PTPRN2: variants seen among roughly 807,000 people sequenced by gnomAD.
The protein encoded by PTPRN2 is receptor-type tyrosine-protein phosphatase N2.
Under a neutral mutation model 118.8 loss-of-function variants are expected in PTPRN2, and 74 were observed. The ratio of observed to expected loss-of-function variants is 0.62; its 90% CI spans 0.52 to 0.76. The LOEUF is 0.76. Among genes scored for constraint, PTPRN2 ranks in the 30% least tolerant of loss-of-function variants. PTPRN2 has a pLI of 0.00. For synonymous variants in PTPRN2, 641 were observed against 608.0 expected (o/e 1.05, Z -0.80); for missense variants, 1,481 against 1,394.4 (o/e 1.06, Z -0.99).
At chr7:158,074,860 T>A (rs1206511366) in intron 11 of PTPRN2, among the ~76,000 whole-genome samples, 1 of 152,196 alleles carries the variant, frequency 6.6e-6, no homozygotes, top group Non-Finnish European at 1.5e-5. Context: ...ATGAGTGGTA[T>A]GTCCAGTGCA....
chr7:158,171,358 CA>C (rs1823691187), intron 5 of PTPRN2, among the ~76,000 whole-genome samples: 2 of 125,388 alleles, frequency 1.6e-5, no homozygotes, highest in African/African-American at 3.1e-5. Context: ...TACACACACA[CA>C]TTTTTTTAAG....
At chr7:157,834,682 G>A (rs79417537) in intron 12 of PTPRN2, among the ~76,000 whole-genome samples, 2,870 of 152,198 alleles carry the variant, frequency 0.019, 91 homozygotes, top group South Asian at 0.11. Context: ...CAGAGTGCAC[G>A]CTCGCAGAGG....
chr7:157,730,872 C>G (rs1799857486), intron 12 of PTPRN2, among the ~76,000 whole-genome samples: 1 of 152,194 alleles, frequency 6.6e-6, no homozygotes, highest in Non-Finnish European at 1.5e-5. Context: ...AGGGACCTGG[C>G]AGCTCTTCCG....
At chr7:158,175,641 G>C (rs1307038438) in intron 5 of PTPRN2, among the ~76,000 whole-genome samples, 1 of 152,126 alleles carries the variant, frequency 6.6e-6, no homozygotes, top group African/African-American at 2.4e-5. Context: ...GGGAAGCAGG[G>C]GGGTCTCACA....
At chr7:158,380,578 C>T (rs575136348) in intron 2 of PTPRN2, among the ~76,000 whole-genome samples, 7 of 152,336 alleles carry the variant, frequency 4.6e-5, no homozygotes, top group East Asian at 3.9e-4. Flanking sequence ...GCTGCCTTCA[C>T]GGGCTGGCAT....
intron 3 of PTPRN2, among the ~76,000 whole-genome samples, chr7:158,316,607 G>A (rs1185314207): frequency 6.6e-6 from 1 of 152,132 alleles, no homozygotes; most frequent in East Asian, 1.9e-4. Flanking sequence ...CTCAGACACA[G>A]GAGGCAGCAG....
intron 2 of PTPRN2, among the ~76,000 whole-genome samples, chr7:158,330,792 C>G (rs1428828288): frequency 8.8e-6 from 1 of 114,168 alleles, no homozygotes; most frequent in African/African-American, 2.9e-5. Flanking sequence ...CACTCACACC[C>G]ACACTCTCAC....
Position 158,541,484 on chromosome 7 carries a change from C to T in PTPRN2, c.112+46074G>A, listed in dbSNP as rs148215613. On this transcript the variant is annotated intron_variant, in intron 1 of 22. Transcript: ENST00000389418. ...GGTCCACTGGCTCCGTCCTCTCCCT[C>T]GTCTGTGGACCTGAAACAAACATCA... The T allele has an allele frequency of 6.2e-4, 843 of 1,352,148 alleles. 7 individuals are homozygous for T. In the East Asian group the frequency reaches 0.013, roughly 22 times the overall value. The allele number at this position is 1,352,148 out of a possible 1,614,324, so 83.8% of individuals were successfully genotyped here. A position where few individuals can be genotyped will look rare whatever the true frequency, so the allele number is the denominator to read the frequency against.
At chr7:158,146,766 A>T (rs571747791) in intron 6 of PTPRN2, among the ~76,000 whole-genome samples, 4 of 150,664 alleles carry the variant, frequency 2.7e-5, no homozygotes, top group South Asian at 4.2e-4. Flanking sequence ...GAAAATTAAA[A>T]GCTTCATTTT....
chr7:158,585,883 T>C (rs903778384), intron 1 of PTPRN2, among the ~76,000 whole-genome samples: 3 of 152,194 alleles, frequency 2.0e-5, no homozygotes, highest in Admixed American at 2.0e-4. Context: ...ATAAGGTGAC[T>C]GGCCAGGTCA....
chr7:158,018,966 CAAAAAA>C (rs753498681), intron 11 of PTPRN2, among the ~76,000 whole-genome samples: 10 of 65,844 alleles, frequency 1.5e-4, no homozygotes, highest in East Asian at 6.6e-4. Flanking sequence ...GTTTCAAAAA[CAAAAAA>C]AAAAAAAAAA....
chr7:157,898,816 C>T (rs1360326763), intron 11 of PTPRN2, 79 bp from the exon 12 acceptor site: 14 of 1,315,392 alleles, frequency 1.1e-5, no homozygotes, highest in Non-Finnish European at 1.5e-5. Context: ...TATTTTCCTC[C>T]ATTGAAAATT....
At chr7:157,558,661 A>C (rs181800681) in intron 21 of PTPRN2, among the ~76,000 whole-genome samples, 75 of 152,348 alleles carry the variant, frequency 4.9e-4, no homozygotes, top group African/African-American at 1.8e-3. Context: ...TGCGTGAAGC[A>C]TGCAGCCAGC....
At chr7:158,214,431 C>A (rs1243739115) in intron 3 of PTPRN2, among the ~76,000 whole-genome samples, 2 of 148,718 alleles carry the variant, frequency 1.3e-5, no homozygotes, top group South Asian at 2.1e-4. Flanking sequence ...CACACACACA[C>A]AACTAAAGCA....
At chr7:157,702,585 A>G (rs1798133490) in intron 12 of PTPRN2, among the ~76,000 whole-genome samples, 1 of 152,178 alleles carries the variant, frequency 6.6e-6, no homozygotes, top group Admixed American at 6.5e-5. Flanking sequence ...CGTTGGTGAG[A>G]GCCCCGGGGC....
intron 2 of PTPRN2, among the ~76,000 whole-genome samples, chr7:158,485,707 C>T (rs2129445176): frequency 6.6e-6 from 1 of 152,098 alleles, no homozygotes; most frequent in South Asian, 2.1e-4. Context: ...GTGCCTCCTT[C>T]CCACCTCTCT....
intron 19 of PTPRN2, 110 bp downstream of exon 19, chr7:157,576,503 G>T: frequency 2.5e-6 from 3 of 1,188,886 alleles, no homozygotes; most frequent in Non-Finnish European, 3.4e-6. Context: ...CTGCGGCGCC[G>T]ACACAGACGC....
chr7:158,308,541 T>A lies in PTPRN2; in HGVS notation c.277+8278A>T, dbSNP rs1234940341. Among the ~76,000 whole-genome samples the A allele has an allele frequency of 2.0e-5, 3 of 152,082 alleles. No homozygotes were observed. In the East Asian group the frequency reaches 5.8e-4, roughly 29 times the overall value. ...AGCAATAATTATAAATCCATGTTGATAAACATACAATCTATAAAGATATAA... is the reference window on the plus strand; with the variant it reads ...AGCAATAATTATAAATCCATGTTGAAAAACATACAATCTATAAAGATATAA... On this transcript the variant is annotated intron_variant, in intron 3 of 22. Transcript: ENST00000389418.
intron 12 of PTPRN2, among the ~76,000 whole-genome samples, chr7:157,754,689 G>A (rs1801678393): frequency 6.6e-6 from 1 of 152,246 alleles, no homozygotes; most frequent in African/African-American, 2.4e-5. Flanking sequence ...GAAGTTCACG[G>A]GGTGCCCCCA....
Sources: gnomAD v4.1 joint callset for allele counts (sites outside exome capture counted in the v4.1 genomes callset) on GRCh38, gnomAD v4.1.1 for gene constraint, MANE v1.5 for transcripts, NCBI Gene and HGNC (gene_info 2026-07-23, HGNC 2026-07-21) for gene names.